IDS: variants seen among roughly 807,000 people sequenced by gnomAD.
IDS encodes the protein iduronate 2-sulfatase, also known as alpha-L-iduronate sulfate sulfatase.
IDS carries 1 observed loss-of-function variant against 33.5 expected under a neutral mutation model. The ratio of observed to expected loss-of-function variants is 0.03; its 90% CI spans 0.01 to 0.14. IDS has a LOEUF of 0.14. IDS is among the 10% of genes least tolerant of loss of function. The pLI is 1.00. For synonymous variants in IDS, 191 were observed against 184.4 expected (o/e 1.04, Z -0.29); for missense variants, 328 against 448.0 (o/e 0.73, Z 2.42).
At position 149,504,465 on chromosome X, in the gene IDS, C is replaced by G. The variant is rs187818461; in HGVS notation, c.104-172G>C. 1.6e-4 allele frequency among the ~76,000 whole-genome samples: 18 copies of G among 111,735 alleles called. No individual in the cohort carries two copies. In the East Asian group the frequency reaches 5.1e-3, roughly 32 times the overall value. ...TGGGAGTGGGGCTCGAGGAGGAAGCCTGAGTCCTGGGTGGCAGGGTTAGGC... is the reference window on the plus strand; with the variant it reads ...TGGGAGTGGGGCTCGAGGAGGAAGCGTGAGTCCTGGGTGGCAGGGTTAGGC... On this transcript the variant is annotated intron_variant, in intron 1 of 8. Transcript: ENST00000340855.
intron 1 of IDS, 33 bp from the exon 2 acceptor site, chrX:149,504,326 C>T: frequency 8.4e-7 from 1 of 1,183,863 alleles, no homozygotes; most frequent in South Asian, 1.8e-5. Flanking sequence ...GGTGAGGTAA[C>T]CTGCACTGAC....
chrX:149,498,387 G>A, intron 4 of IDS, 80 bp from the exon 5 acceptor site: 1 of 805,712 alleles, frequency 1.2e-6, no homozygotes, highest in Non-Finnish European at 1.8e-6. Context: ...CAGATTTAAT[G>A]TTCACATAAT....
At chrX:149,498,367 G>T in intron 4 of IDS, 60 bp from the exon 5 acceptor site, 1 of 932,687 alleles carries the variant, frequency 1.1e-6, no homozygotes, top group East Asian at 3.2e-5. Flanking sequence ...AGCCATGAAG[G>T]CTACACACAC....
At chrX:149,501,482 A>C (rs2124057355) in intron 3 of IDS, among the ~76,000 whole-genome samples, 1 of 112,488 alleles carries the variant, frequency 8.9e-6, no homozygotes, top group African/African-American at 3.2e-5. Flanking sequence ...TCCAAGTTCA[A>C]GTGCTCATTC....
chrX:149,494,539 G>A (rs2089420236), intron 6 of IDS, among the ~76,000 whole-genome samples: 1 of 111,139 alleles, frequency 9.0e-6, no homozygotes, highest in African/African-American at 3.3e-5. Context: ...AGATGGGCTT[G>A]GATGCGGACA....
In IDS at chrX:149,494,380, TAGG is replaced by T. The variant is rs1439187178; in HGVS notation, c.879+1963_879+1965del. On this transcript the variant is annotated intron_variant, in intron 6 of 8. Coordinates refer to ENST00000340855, the MANE Select transcript of IDS (RefSeq NM_000202.8). ...CCGTGAGGTAGAGCAAGGGAAGTGC[TAGG>T]AGAAGAGGTTGTGGTCAGTATGGTG... 8.1e-5 allele frequency among the ~76,000 whole-genome samples: 9 copies of T among 111,757 alleles called. No individual in the cohort carries two copies. In the East Asian group the frequency reaches 2.3e-3, roughly 28 times the overall value.
At chrX:149,501,598 G>A (rs1158491608) in intron 3 of IDS, among the ~76,000 whole-genome samples, 1 of 111,683 alleles carries the variant, frequency 9.0e-6, no homozygotes, top group Non-Finnish European at 1.9e-5. Context: ...CAAAAGCATC[G>A]AAGTGCCAAG....
chrX:149,496,219 A>C (rs1477237942), intron 6 of IDS, 127 bp downstream of exon 6: 19 of 673,526 alleles, frequency 2.8e-5, no homozygotes, highest in Non-Finnish European at 4.1e-5. Flanking sequence ...ACTTTGCCTG[A>C]TAACTCACAC....
Position 149,501,018 on chromosome X carries a change from G to A in IDS, c.438C>T (p.Thr146=), listed in dbSNP as rs1141608. 400,532 of 1,165,083 alleles carry A rather than the reference G, an allele frequency of 0.34. 54,181 individuals carry two copies. The highest frequency in any genetic ancestry group is 0.39 in the Non-Finnish European group (334,909 of 855,476). Reference sequence around the variant, plus strand: ...AAGACCAGCTATACGGAGAATCATCGGTATGGTTAGAAGATATCCCTTGGA... The same window carrying A: ...AAGACCAGCTATACGGAGAATCATCAGTATGGTTAGAAGATATCCCTTGGA... ...VFHPGISSNH[T]DDSPYSWSFP... The change falls in exon 4 of 9, where the codon ACC becomes ACT. Residue 146 remains threonine (T), a synonymous_variant. Coordinates refer to ENST00000340855, the MANE Select transcript of IDS (RefSeq NM_000202.8).
intron 1 of IDS, 70 bp downstream of exon 1, chrX:149,504,965 G>A: frequency 1.3e-6 from 1 of 790,111 alleles, no homozygotes; most frequent in Admixed American, 2.3e-5. Flanking sequence ...AAAGAAGGAA[G>A]GAAAGAAGGA....
At chrX:149,504,054 G>A in intron 2 of IDS, 103 bp downstream of exon 2, 1 of 777,509 alleles carries the variant, frequency 1.3e-6, no homozygotes, top group African/African-American at 2.0e-5. Flanking sequence ...CTAACAAGAT[G>A]TCCCGCACAA....
At chrX:149,503,988 C>T (rs782221057) in intron 2 of IDS, among the ~76,000 whole-genome samples, 169 bp downstream of exon 2, 89 of 111,474 alleles carry the variant, frequency 8.0e-4, no homozygotes, top group African/African-American at 2.9e-3. Flanking sequence ...GTCAAGCTTT[C>T]CCATGAGTGG....
chrX:149,486,984 C>A lies in IDS; in HGVS notation c.1121G>T (p.Gly374Val), dbSNP rs2124005760. The A allele has an allele frequency of 8.3e-7, 1 of 1,211,926 alleles. No homozygotes were observed. The highest frequency in any genetic ancestry group is 1.1e-6 in the Non-Finnish European group (1 of 895,482). The change falls in exon 8 of 9, where the codon GGC becomes GTC. Residue 374 changes from glycine (G) to valine (V), a missense_variant. This residue lies in a region of IDS where 265 missense variants were observed against 339.2 expected (regional missense o/e 0.78). Transcript: ENST00000340855. ...GTCGAGGTAAGGGAAAAGCTTCTCG[C>A]CTGCCTCCGGAAGTGAAGCCGTCCT... Reference protein sequence around the residue: ...PGRTASLPEAGEKLFPYLDPF... With the variant: ...PGRTASLPEAVEKLFPYLDPF...
rs782796927 is a variant in IDS at position 149,490,455 on chromosome X, A to C, written c.880-15T>G. 3.3e-6 allele frequency: 4 copies of C among 1,209,786 alleles called. No homozygotes were observed. The South Asian group carries it at 7.0e-5, about 21-fold the overall frequency. ...CGGATTTTCCGCTGCAAATTGAAAA[A>C]AAATAAAAATGAGAGTGACTGCAAT... On this transcript the variant is annotated splice_polypyrimidine_tract_variant and intron_variant, in intron 6 of 8. Transcript: ENST00000340855.
In IDS at chrX:149,505,127, G is replaced by A. The variant is rs1557340625; in HGVS notation, c.11C>T (p.Pro4Leu). The A allele has an allele frequency of 8.4e-7, 1 of 1,193,402 alleles. No individual in the cohort carries two copies. The highest frequency in any genetic ancestry group is 1.1e-6 in the Non-Finnish European group (1 of 881,322). ...CCAGAGAAGGCCTCGGCCGGTCCGG[G>A]GTGGCGGCATTTCGGCTTCGACGCG... MPP[P>L]RTGRGLLWLG... Residue 4 changes from proline to leucine, a missense_variant, in exon 1 of 9, where the codon CCC becomes CTC. Pro to Leu is a moderately conservative substitution (Grantham distance 98, BLOSUM62 -3). Around this residue, in one of 4 missense-constraint regions of IDS, gnomAD observed 45 missense variants for 33.6 expected, o/e 1.34. Coordinates refer to ENST00000340855, the MANE Select transcript of IDS (RefSeq NM_000202.8).
At chrX:149,490,867 T>G (rs1256719479) in intron 6 of IDS, among the ~76,000 whole-genome samples, 1 of 111,922 alleles carries the variant, frequency 8.9e-6, no homozygotes, top group Admixed American at 9.4e-5. Flanking sequence ...TGGCTGTCAG[T>G]CCCTGGCATT....
rs2089298980 is a variant in IDS, at chrX:149,482,112, T to C, written c.*634A>G. The C allele has an allele frequency of 8.9e-6, 1 of 112,574 alleles. No homozygotes were observed. Among genetic ancestry groups the C allele is most frequent in the African/African-American group, 3.2e-5 (1 of 30,997 alleles). 9.3% of individuals were successfully genotyped at this position (112,574 alleles called of 1,213,427 possible). On this transcript the variant is annotated 3_prime_UTR_variant, in exon 9 of 9. Transcript: ENST00000340855. ...TATTTATTATTTGGTGTAAAAATTC[T>C]ACATTAATTACTTCATACATATTTT... is the stretch of plus-strand genomic sequence containing the variant.
rs2089301318 is a variant in IDS, at chrX:149,482,585, C to T, written c.*161G>A. ...ATAAAGACTAAACGAAAAGGTTTGGCTGTTACATATTCTCAGGCCAAATTG... is the reference window on the plus strand; with the variant it reads ...ATAAAGACTAAACGAAAAGGTTTGGTTGTTACATATTCTCAGGCCAAATTG... On this transcript the variant is annotated 3_prime_UTR_variant, in exon 9 of 9. Coordinates refer to ENST00000340855, the MANE Select transcript of IDS (RefSeq NM_000202.8). 2.5e-6 allele frequency: 2 copies of T among 800,520 alleles called. No individual in the cohort carries two copies. The highest frequency in any genetic ancestry group is 3.5e-6 in the Non-Finnish European group (2 of 569,797). 66.0% of individuals were successfully genotyped at this position (800,520 alleles called of 1,213,427 possible).
chrX:149,504,743 G>A (rs1484644142), intron 1 of IDS, among the ~76,000 whole-genome samples: 2 of 103,072 alleles, frequency 1.9e-5, no homozygotes, highest in Non-Finnish European at 4.0e-5. Context: ...GAGGAAAGGA[G>A]GGGGAAAGAT....
Sources: allele counts gnomAD v4.1 joint callset (sites outside exome capture counted in the v4.1 genomes callset), GRCh38; gene constraint gnomAD v4.1.1; regional missense constraint gnomAD v4.1.1; transcripts MANE v1.5; gene names NCBI Gene and HGNC (gene_info 2026-07-23, HGNC 2026-07-21).